CD33: variants seen among roughly 807,000 people sequenced by gnomAD.
CD33 encodes CD33 molecule, also known as myeloid cell surface antigen CD33.
A neutral mutation model predicts 31.4 loss-of-function variants in CD33; 25 were observed. That is an observed-to-expected ratio of 0.80 (90% CI 0.58 to 1.11). The LOEUF is 1.11. Among genes scored for constraint, CD33 ranks in the 50% most tolerant of loss-of-function variants. The probability of loss-of-function intolerance (pLI) is 0.00; values close to 1 mark genes in which losing one functional copy is unlikely to be tolerated. For missense variants in CD33, 407 were observed against 448.1 expected (o/e 0.91, Z 0.83); for synonymous variants, 176 against 180.6 (o/e 0.97, Z 0.20).
At chr19:51,234,551 A>G (rs997570493) in intron 4 of CD33, among the ~76,000 whole-genome samples, 3 of 152,146 alleles carry the variant, frequency 2.0e-5, no homozygotes, top group Non-Finnish European at 4.4e-5. Context: ...CAGTGAGCCC[A>G]GTGAGAGCAG....
At chr19:51,223,956 G>C (rs1014292073), upstream of CD33, among the ~76,000 whole-genome samples, 1 of 152,158 alleles carries the variant, frequency 6.6e-6, no homozygotes, top group Non-Finnish European at 1.5e-5. Flanking sequence ...TTAAGGGCAG[G>C]AATCAGGTCA....
chr19:51,212,185 T>C, the CD33 span: 17 of 402,344 alleles, frequency 4.2e-5, 1 homozygote, highest in South Asian at 3.5e-4. Flanking sequence ...CCTGGCTGAG[T>C]AGAAGACCTA....
chr19:51,226,266 A>G (rs2123195706), intron 3 of CD33, 43 bp from the exon 4 acceptor site: 2 of 1,592,486 alleles, frequency 1.3e-6, no homozygotes, highest in East Asian at 2.2e-5. Context: ...CCCTTATCTC[A>G]TCTCTACCCC....
the CD33 span, among the ~76,000 whole-genome samples, chr19:51,216,221 CGAGTGTGTGTGTGTGTGT>C: frequency 3.6e-5 from 5 of 140,578 alleles, no homozygotes; most frequent in Admixed American, 2.1e-4. Flanking sequence ...AAATGTCACC[CGAGTGTGTGTGTGTGTGT>C]GTGTGTGTGT....
At chr19:51,216,257 T>C in the CD33 span, among the ~76,000 whole-genome samples, 1 of 151,724 alleles carries the variant, frequency 6.6e-6, no homozygotes, top group East Asian at 1.9e-4. Context: ...TGTGTGTGTG[T>C]GTGTGTGTGT....
chr19:51,212,728 TAAC>T, the CD33 span, among the ~76,000 whole-genome samples: 1 of 152,190 alleles, frequency 6.6e-6, no homozygotes, highest in East Asian at 1.9e-4. Flanking sequence ...GGGAAGAACT[TAAC>T]AATGCACAGC....
chr19:51,236,163 GA>G (rs544419951), intron 6 of CD33: 597 of 305,634 alleles, frequency 2.0e-3, no homozygotes, highest in Middle Eastern at 6.9e-3. Context: ...GTCCCAAAAA[GA>G]AAAAAAAAAT....
chr19:51,226,476 G>T, intron 4 of CD33, 120 bp downstream of exon 4: 1 of 811,976 alleles, frequency 1.2e-6, no homozygotes, highest in Non-Finnish European at 2.1e-6. Context: ...GACACGGGTA[G>T]ACATCAGGCA....
intron 3 of CD33, 32 bp from the exon 4 acceptor site, chr19:51,226,277 C>A: frequency 6.2e-6 from 10 of 1,606,730 alleles, no homozygotes; most frequent in Non-Finnish European, 8.5e-6. Flanking sequence ...TCTCTACCCC[C>A]AACTGAAGGA....
chr19:51,235,262 T>C lies in CD33; in HGVS notation c.842+9T>C. 1 of 1,612,226 alleles carries C rather than the reference T, an allele frequency of 6.2e-7. No individual in the cohort carries two copies. The highest frequency in any genetic ancestry group is 8.5e-7 in the Non-Finnish European group (1 of 1,178,362). On this transcript the variant is annotated intron_variant, in intron 5 of 6. Transcript: ENST00000262262. ...TGCCTCATCTTCTTCATGTGAGCATTTTCTCTGGGTCAGGCATGGGCCAGA... is the reference window on the plus strand; with the variant it reads ...TGCCTCATCTTCTTCATGTGAGCATCTTCTCTGGGTCAGGCATGGGCCAGA...
the CD33 span, chr19:51,211,677 G>A: frequency 2.3e-5 from 24 of 1,021,590 alleles, no homozygotes; most frequent in Non-Finnish European, 3.5e-5. Flanking sequence ...CCTGGAAGGG[G>A]GTTGGGAATG....
In CD33 at chr19:51,225,212, C is replaced by T; in HGVS notation, c.38-6C>T. The T allele has an allele frequency of 6.2e-7, 1 of 1,613,158 alleles. No homozygotes were observed. The highest frequency in any genetic ancestry group is 8.5e-7 in the Non-Finnish European group (1 of 1,179,436). Reference sequence around the variant, plus strand: ...CTGGGCCGAGCTGACCCTCGTTTCCCCACAGGGGCCCTGGCTATGGATCCA... The same window carrying T: ...CTGGGCCGAGCTGACCCTCGTTTCCTCACAGGGGCCCTGGCTATGGATCCA... On this transcript the variant is annotated splice_polypyrimidine_tract_variant and splice_region_variant and intron_variant, in intron 1 of 6. Coordinates refer to ENST00000262262, the MANE Select transcript of CD33 (RefSeq NM_001772.4).
the CD33 span, chr19:51,211,832 G>A: frequency 2.8e-6 from 3 of 1,054,468 alleles, no homozygotes; most frequent in African/African-American, 1.6e-5. Flanking sequence ...CGAGGACCCT[G>A]GAATCTGGCC....
At chr19:51,232,821 GC>G (rs1276777472) in intron 4 of CD33, among the ~76,000 whole-genome samples, 2 of 152,164 alleles carry the variant, frequency 1.3e-5, no homozygotes, top group Non-Finnish European at 2.9e-5. Context: ...GGACACAGGT[GC>G]CCAACTACTT....
intron 4 of CD33, among the ~76,000 whole-genome samples, chr19:51,230,168 A>G (rs1981303916): frequency 4.2e-3 from 1 of 240 alleles, no homozygotes; most frequent in Non-Finnish European, 7.5e-3. Flanking sequence ...GTGTATTTGT[A>G]TAGTTTGCAT....
At chr19:51,226,144 CT>C in intron 3 of CD33, 63 bp downstream of exon 3, 1 of 1,580,784 alleles carries the variant, frequency 6.3e-7, no homozygotes, top group South Asian at 1.1e-5. Context: ...TGGGCTGGTG[CT>C]GGGGACATTT....
chr19:51,232,713 T>G (rs191759911), intron 4 of CD33, among the ~76,000 whole-genome samples: 1 of 152,350 alleles, frequency 6.6e-6, no homozygotes, highest in East Asian at 1.9e-4. Context: ...TTTTATTTCA[T>G]TTATTGAGTT....
At chr19:51,235,854 G>T in intron 6 of CD33, 178 bp downstream of exon 6, 1 of 718,788 alleles carries the variant, frequency 1.4e-6, no homozygotes, top group South Asian at 1.5e-5. Context: ...AGGAGATGAT[G>T]GCCATTGAAA....
chr19:51,222,425 A>G (rs1289859687), upstream of CD33, among the ~76,000 whole-genome samples: 2 of 152,232 alleles, frequency 1.3e-5, no homozygotes, highest in African/African-American at 4.8e-5. Flanking sequence ...CCATGTATGT[A>G]AAAAGACTTG....
Sources: gnomAD v4.1 joint callset for allele counts (sites outside exome capture counted in the v4.1 genomes callset) on GRCh38, gnomAD v4.1.1 for gene constraint, MANE v1.5 for transcripts, NCBI Gene and HGNC (gene_info 2026-07-23, HGNC 2026-07-21) for gene names.